MACROD2: variants seen among roughly 807,000 people sequenced by gnomAD.
The protein encoded by MACROD2 is ADP-ribose glycohydrolase MACROD2.
In MACROD2, 36 loss-of-function variants were observed where a neutral mutation model predicts 70.4. That is an observed-to-expected ratio of 0.51 (90% CI 0.39 to 0.68). The LOEUF is 0.68. Among genes scored for constraint, MACROD2 ranks in the 30% least tolerant of loss-of-function variants. The pLI is 0.00. For synonymous variants in MACROD2, 172 were observed against 178.8 expected, an observed-to-expected ratio of 0.96 and a Z score of 0.30; for missense variants, 496 against 538.4, an observed-to-expected ratio of 0.92 and a Z score of 0.78.
intron 3 of MACROD2, among the ~76,000 whole-genome samples, chr20:14,399,227 G>T (rs531126463): frequency 6.6e-6 from 1 of 152,040 alleles, no homozygotes; most frequent in Non-Finnish European, 1.5e-5. Flanking sequence ...CATCATGTTC[G>T]TTAGGCTGGT....
intron 5 of MACROD2, among the ~76,000 whole-genome samples, chr20:15,180,177 A>G (rs574626071): frequency 6.6e-6 from 1 of 152,342 alleles, no homozygotes; most frequent in East Asian, 1.9e-4. Flanking sequence ...ATACATTTAT[A>G]TTCAGAGGTA....
At chr20:14,370,701 C>G (rs1005019377) in intron 3 of MACROD2, among the ~76,000 whole-genome samples, 1 of 152,140 alleles carries the variant, frequency 6.6e-6, no homozygotes, top group African/African-American at 2.4e-5. Context: ...TGGCTCCAAT[C>G]CATTGGTGTC....
At chr20:15,272,462 A>G (rs893399028) in intron 6 of MACROD2, among the ~76,000 whole-genome samples, 3 of 152,334 alleles carry the variant, frequency 2.0e-5, no homozygotes, top group East Asian at 1.9e-4. Flanking sequence ...TCTGATTTAT[A>G]AGGTCAATCT....
intron 8 of MACROD2, among the ~76,000 whole-genome samples, chr20:15,571,825 T>C (rs2048379852): frequency 6.6e-6 from 1 of 152,174 alleles, no homozygotes; most frequent in African/African-American, 2.4e-5. Flanking sequence ...TACGATGCTT[T>C]ACTTTTCTCT....
At position 15,297,291 on chromosome 20, in the gene MACROD2, G is replaced by C. The variant is rs2077599355; in HGVS notation, c.540+67230G>C. Reference sequence around the variant, plus strand: ...CTTTGCTACACACATATGGACTTTGGCTCAGGGCCCAGAATACCTGAGTCA... The same window carrying C: ...CTTTGCTACACACATATGGACTTTGCCTCAGGGCCCAGAATACCTGAGTCA... On this transcript the variant is annotated intron_variant, in intron 6 of 17. Transcript: ENST00000684519. 5.3e-5 allele frequency among the ~76,000 whole-genome samples: 8 copies of C among 152,238 alleles called. 1 individual carries two copies. The South Asian group carries it at 1.7e-3, about 32-fold the overall frequency.
chr20:15,418,481 G>A (rs528505855), intron 6 of MACROD2, among the ~76,000 whole-genome samples: 45 of 152,316 alleles, frequency 3.0e-4, no homozygotes, highest in Non-Finnish European at 5.6e-4. Flanking sequence ...CCTCACCACT[G>A]GAGCCTGTTA....
rs1016562568 is a variant in MACROD2, at chr20:15,480,855, A to G, written c.572-18919A>G. ...GTTAGCTGGGAAGCCTGTACTTCCC[A>G]GCTCCTGCTCTCTCTTGTTGGGCTA... is the stretch of plus-strand genomic sequence containing the variant. On this transcript the variant is annotated intron_variant, in intron 7 of 17. Coordinates refer to ENST00000684519, the MANE Select transcript of MACROD2 (RefSeq NM_001351661.2). 5.3e-5 allele frequency among the ~76,000 whole-genome samples: 8 copies of G among 152,138 alleles called. No homozygotes were observed. The South Asian group carries it at 1.5e-3, about 28-fold the overall frequency.
At chr20:15,004,947 T>A (rs544547743) in intron 5 of MACROD2, among the ~76,000 whole-genome samples, 2 of 152,134 alleles carry the variant, frequency 1.3e-5, no homozygotes, top group East Asian at 3.9e-4. Flanking sequence ...TCCTCCAAAG[T>A]TGGAATATTG....
chr20:14,379,633 C>G (rs2122769620), intron 3 of MACROD2, among the ~76,000 whole-genome samples: 1 of 152,224 alleles, frequency 6.6e-6, no homozygotes, highest in East Asian at 1.9e-4. Flanking sequence ...CCCTCAGCCC[C>G]TGGTAATCTC....
intron 8 of MACROD2, among the ~76,000 whole-genome samples, chr20:15,695,112 T>A (rs1384599091): frequency 6.6e-6 from 1 of 152,210 alleles, no homozygotes; most frequent in African/African-American, 2.4e-5. Flanking sequence ...GCTGTTTTGG[T>A]GACTATGGCC....
intron 3 of MACROD2, chr20:14,352,450 A>G (rs932558891): frequency 6.6e-5 from 10 of 152,096 alleles, no homozygotes; most frequent in African/African-American, 1.9e-4. Context: ...CTCCTAACTA[A>G]ATCTTTATGC....
At chr20:15,356,546 G>A (rs1303848644) in intron 6 of MACROD2, among the ~76,000 whole-genome samples, 1 of 152,166 alleles carries the variant, frequency 6.6e-6, no homozygotes, top group African/African-American at 2.4e-5. Context: ...ACTTTGGGAG[G>A]CTGAGGTGGG....
intron 6 of MACROD2, among the ~76,000 whole-genome samples, chr20:15,387,618 C>A (rs1437861744): frequency 2.6e-5 from 4 of 151,934 alleles, no homozygotes; most frequent in African/African-American, 9.7e-5. Context: ...CCACCCTCTA[C>A]ACCAGGTCCT....
chr20:15,458,187 G>A (rs76774236), intron 7 of MACROD2, among the ~76,000 whole-genome samples: 6,290 of 152,132 alleles, frequency 0.041, 215 homozygotes, highest in Non-Finnish European at 0.058. Flanking sequence ...AGATGTTTTG[G>A]ATAATAAAGC....
At chr20:14,590,668 C>A (rs1186518535) in intron 4 of MACROD2, among the ~76,000 whole-genome samples, 1 of 152,082 alleles carries the variant, frequency 6.6e-6, no homozygotes, top group Non-Finnish European at 1.5e-5. Context: ...TTGAATGACC[C>A]TGCTTGCCCA....
At chr20:14,036,362 A>G (rs2053310180) in intron 2 of MACROD2, among the ~76,000 whole-genome samples, 1 of 152,160 alleles carries the variant, frequency 6.6e-6, no homozygotes, top group Admixed American at 6.5e-5. Context: ...TTCAGTGTTT[A>G]TGAAACATAG....
rs538426143 is a variant in MACROD2 at position 14,262,527 on chromosome 20, C to T, written c.271+176799C>T. ...CAGAGGGCTCTCTTAGTTGACCATC[C>T]GATTACAGCTATCAACACAGATGTG... is the stretch of plus-strand genomic sequence containing the variant. On this transcript the variant is annotated intron_variant, in intron 3 of 17. Coordinates refer to ENST00000684519, the MANE Select transcript of MACROD2 (RefSeq NM_001351661.2). Among the ~76,000 whole-genome samples, 22 of 152,230 alleles carry T rather than the reference C, an allele frequency of 1.4e-4. 1 individual carries two copies. Among genetic ancestry groups the T allele is most frequent in the African/African-American group, 4.6e-4 (19 of 41,536 alleles).
At chr20:14,642,430 C>T (rs1209343494) in intron 4 of MACROD2, among the ~76,000 whole-genome samples, 3 of 152,132 alleles carry the variant, frequency 2.0e-5, no homozygotes, top group South Asian at 2.1e-4. Flanking sequence ...TTCGCATTCA[C>T]ATCATGGGTA....
intron 5 of MACROD2, among the ~76,000 whole-genome samples, chr20:15,089,390 G>T (rs1463996135): frequency 6.6e-6 from 1 of 152,050 alleles, no homozygotes; most frequent in African/African-American, 2.4e-5. Context: ...ATTGATGGTT[G>T]CCTTGCCAAG....
Sources: gnomAD v4.1 joint callset for allele counts (sites outside exome capture counted in the v4.1 genomes callset) on GRCh38, gnomAD v4.1.1 for gene constraint, MANE v1.5 for transcripts, NCBI Gene and HGNC (gene_info 2026-07-23, HGNC 2026-07-21) for gene names.